The following SEC14L1 variants were observed in gnomAD, a reference collection of about 807,000 sequenced individuals.
SEC14L1 encodes the protein SEC14-like protein 1.
SEC14L1 carries 48 observed loss-of-function variants against 85.3 expected under a neutral mutation model. The ratio of observed to expected loss-of-function variants is 0.56; its 90% confidence interval spans 0.45 to 0.72. The LOEUF (loss-of-function observed/expected upper bound fraction) is 0.72. Among genes scored for constraint, SEC14L1 ranks in the 30% least tolerant of loss-of-function variants. SEC14L1 has a pLI of 0.00. For missense variants in SEC14L1, 682 were observed against 921.4 expected (o/e 0.74, Z 3.36); for synonymous variants, 391 against 355.5 (o/e 1.10, Z -1.12).
chr17:77,139,800 T>G (rs62078290), upstream of SEC14L1, among the ~76,000 whole-genome samples: 22,338 of 151,738 alleles, frequency 0.15, 1,938 homozygotes, highest in Middle Eastern at 0.21. Flanking sequence ...GCCCGGCCGG[T>G]GGATGTGATT....
chr17:77,106,691 C>T (rs1281341972), intron 3 of SEC14L1, among the ~76,000 whole-genome samples: 1 of 151,906 alleles, frequency 6.6e-6, no homozygotes, highest in African/African-American at 2.4e-5. Context: ...AATAAATTAG[C>T]TGGGTGTGGT....
chr17:77,213,524 G>A lies in SEC14L1; in HGVS notation c.2042+32G>A, dbSNP rs778956279. ...CCACCCTCGCCACAGCAGGTGCTGCGGACAGCTGGGCATGGTTGGAGGGAG... is the reference window on the plus strand; with the variant it reads ...CCACCCTCGCCACAGCAGGTGCTGCAGACAGCTGGGCATGGTTGGAGGGAG... On this transcript the variant is annotated intron_variant, in intron 16 of 16. Coordinates refer to ENST00000436233, the MANE Select transcript of SEC14L1 (RefSeq NM_001143998.2). This position sits in a 1 kb window ranked among gnomAD's most constrained non-coding sequence, Gnocchi z 7.1. 136 of 1,600,570 alleles carry A rather than the reference G, an allele frequency of 8.5e-5. No homozygotes were observed. Among genetic ancestry groups the A allele is most frequent in the Middle Eastern group, 3.3e-4 (2 of 6,080 alleles).
At chr17:77,170,516 G>A (rs988961456) in intron 3 of SEC14L1, among the ~76,000 whole-genome samples, 1 of 152,214 alleles carries the variant, frequency 6.6e-6, no homozygotes, top group Non-Finnish European at 1.5e-5. Context: ...AGAGGAAAGG[G>A]TGGAAGACAG....
intron 3 of SEC14L1, among the ~76,000 whole-genome samples, chr17:77,096,118 AACTC>A: frequency 6.7e-6 from 1 of 148,602 alleles, no homozygotes; most frequent in Non-Finnish European, 1.5e-5. Flanking sequence ...ACTGGTCTTG[AACTC>A]CTGGGCTCAG....
chr17:77,099,616 G>T (rs1245469873), intron 3 of SEC14L1, among the ~76,000 whole-genome samples: 1 of 152,140 alleles, frequency 6.6e-6, no homozygotes, highest in Non-Finnish European at 1.5e-5. Flanking sequence ...TATTACCCGG[G>T]TGTGGTGGCA....
Position 77,206,824 on chromosome 17 carries a change from A to G in SEC14L1, c.1438A>G (p.Lys480Glu), listed in dbSNP as rs1370826591. Reference protein sequence around the residue: ...GPGGLLDYIDKEIIPDFLSGE... With the variant: ...GPGGLLDYIDEEIIPDFLSGE... ...TGGAGGCCTGCTGGATTACATCGACAAAGAGATTATTCCAGATTTCCTGAG... is the reference window on the plus strand; with the variant it reads ...TGGAGGCCTGCTGGATTACATCGACGAAGAGATTATTCCAGATTTCCTGAG... The change falls in exon 13 of 17, where the codon AAA (lysine) becomes GAA (glutamate). Residue 480 changes from lysine to glutamate, a missense_variant. Lys to Glu is a moderately conservative substitution (Grantham distance 56). This residue lies in a region of SEC14L1 where 420 missense variants were observed against 619.5 expected (regional missense o/e 0.68). Transcript: ENST00000436233. This position sits in a 1 kb window ranked among gnomAD's most constrained non-coding sequence, Gnocchi z 4.3. 6.2e-7 allele frequency: 1 copy of G among 1,610,992 alleles called. No homozygotes were observed. Among genetic ancestry groups the G allele is most frequent in the Non-Finnish European group, 8.5e-7 (1 of 1,179,140 alleles).
intron 3 of SEC14L1, among the ~76,000 whole-genome samples, chr17:77,105,379 C>A (rs1567870677): frequency 9.3e-6 from 1 of 107,512 alleles, no homozygotes; most frequent in African/African-American, 3.6e-5. Context: ...GACCACCCCC[C>A]CCCCCACCCC....
intron 3 of SEC14L1, among the ~76,000 whole-genome samples, chr17:77,173,465 G>C (rs972460150): frequency 2.0e-5 from 3 of 151,914 alleles, no homozygotes; most frequent in Non-Finnish European, 2.9e-5. Flanking sequence ...TTGCTTAGGG[G>C]TGGGGGCCTT....
At chr17:77,118,479 C>T (rs1972227095) in intron 3 of SEC14L1, among the ~76,000 whole-genome samples, 2 of 152,136 alleles carry the variant, frequency 1.3e-5, no homozygotes, top group Admixed American at 6.5e-5. Flanking sequence ...TTAATGAGAC[C>T]TTGTAGTCTC....
At position 77,214,100 on chromosome 17, in the gene SEC14L1, G is replaced by T; in HGVS notation, c.*77G>T. On this transcript the variant is annotated 3_prime_UTR_variant, in exon 17 of 17. Transcript: ENST00000436233. ...ACAGCCAGCTGCACCCGCCCACCCA[G>T]CGGCGACATTGTACAGACTCCTCTC... The T allele has an allele frequency of 6.4e-7, 1 of 1,556,938 alleles. No homozygotes were observed.
chr17:77,136,520 G>A (rs999670793), upstream of SEC14L1, among the ~76,000 whole-genome samples: 6 of 152,162 alleles, frequency 3.9e-5, no homozygotes, highest in Non-Finnish European at 7.3e-5. Flanking sequence ...AGAACTCACC[G>A]TTTGTAGCTG....
chr17:77,109,206 G>GT (rs1397896046), intron 3 of SEC14L1, among the ~76,000 whole-genome samples: 4 of 152,282 alleles, frequency 2.6e-5, no homozygotes, highest in African/African-American at 7.2e-5. Flanking sequence ...TAAATTCTTT[G>GT]TAAGGCAGGA....
rs529428396 is a variant in SEC14L1, at chr17:77,216,781, G to A, written c.*2758G>A. Reference sequence around the variant, plus strand: ...ACAAATGCTTACAGGGTTTCCTCCCGAGTAATCCAATCTCACTCCCCTTGT... The same window carrying A: ...ACAAATGCTTACAGGGTTTCCTCCCAAGTAATCCAATCTCACTCCCCTTGT... On this transcript the variant is annotated 3_prime_UTR_variant, in exon 17 of 17. Transcript: ENST00000436233. 1.1e-5 allele frequency: 8 copies of A among 758,572 alleles called. No individual in the cohort carries two copies. The highest frequency in any genetic ancestry group is 1.0e-4 in the African/African-American group (6 of 57,410). 47.0% of individuals were successfully genotyped at this position (758,572 alleles called of 1,614,324 possible).
At chr17:77,195,454 G>A (rs1975761618) in intron 7 of SEC14L1, among the ~76,000 whole-genome samples, 1 of 152,100 alleles carries the variant, frequency 6.6e-6, no homozygotes, top group Non-Finnish European at 1.5e-5. Flanking sequence ...GAGTAGCTGG[G>A]ACCACAGGCA....
intron 13 of SEC14L1, among the ~76,000 whole-genome samples, chr17:77,207,655 T>A (rs1976534517): frequency 6.6e-6 from 1 of 152,162 alleles, no homozygotes. Flanking sequence ...TTTCACCATG[T>A]CAGCCAGGCT....
intron 5 of SEC14L1, among the ~76,000 whole-genome samples, chr17:77,191,856 G>A (rs913654849): frequency 6.6e-6 from 1 of 151,232 alleles, no homozygotes; most frequent in African/African-American, 2.4e-5. Context: ...AAATGCAGTG[G>A]CACAGTCTCA....
chr17:77,172,147 A>C (rs1220387553), intron 3 of SEC14L1, among the ~76,000 whole-genome samples: 4 of 152,154 alleles, frequency 2.6e-5, no homozygotes, highest in Non-Finnish European at 5.9e-5. Context: ...AAGATAACAA[A>C]CTGAGGAGCG....
chr17:77,139,160 A>T (rs1217812385), upstream of SEC14L1, among the ~76,000 whole-genome samples: 11 of 120,168 alleles, frequency 9.2e-5, no homozygotes, highest in African/African-American at 2.6e-4. Context: ...GGTCAGGTGA[A>T]TTTTTTTTTT....
chr17:77,113,160 A>C (rs1378590535), intron 3 of SEC14L1, among the ~76,000 whole-genome samples: 1 of 152,208 alleles, frequency 6.6e-6, no homozygotes, highest in Non-Finnish European at 1.5e-5. Flanking sequence ...CCTTGTCTCG[A>C]AAAACAAAAA....
Sources: allele counts gnomAD v4.1 joint callset (sites outside exome capture counted in the v4.1 genomes callset), GRCh38; gene constraint gnomAD v4.1.1; regional missense constraint gnomAD v4.1.1; non-coding constraint Gnocchi (gnomAD v3.1); transcripts MANE v1.5; gene names NCBI Gene and HGNC (gene_info 2026-07-23, HGNC 2026-07-21).